Variants in KCNQ5 observed in about 807,000 individuals in gnomAD.
KCNQ5 encodes potassium voltage-gated channel subfamily KQT member 5.
In KCNQ5, 30 loss-of-function variants were observed where a neutral mutation model predicts 98.2. That is an observed-to-expected ratio of 0.31 (90% CI 0.23 to 0.41). The LOEUF (loss-of-function observed/expected upper bound fraction) is 0.41. KCNQ5 is among the 10% of genes least tolerant of loss of function. The pLI, the probability that KCNQ5 is intolerant of heterozygous loss-of-function variation, is 1.00. For synonymous variants in KCNQ5, 458 were observed against 449.4 expected, an observed-to-expected ratio of 1.02 and a Z score of -0.24; for missense variants, 835 against 1,182.5, an observed-to-expected ratio of 0.71 and a Z score of 4.31.
At chr6:72,913,722 A>G (rs1210806848) in intron 1 of KCNQ5, among the ~76,000 whole-genome samples, 1 of 152,210 alleles carries the variant, frequency 6.6e-6, no homozygotes, top group Non-Finnish European at 1.5e-5. Flanking sequence ...TCTTAGAGTC[A>G]CGGCTGAGGC....
rs900715074 is a variant in KCNQ5, at chr6:73,094,273, T to A, written c.919-10984T>A. 2.0e-5 allele frequency among the ~76,000 whole-genome samples: 3 copies of A among 152,202 alleles called. No individual in the cohort carries two copies. The South Asian group carries it at 6.2e-4, about 31-fold the overall frequency. ...AAATGTCTTTTTCCACACCTTTACCTTAAGTTTGTGAGACTCCTTATGTGT... is the reference window on the plus strand; with the variant it reads ...AAATGTCTTTTTCCACACCTTTACCATAAGTTTGTGAGACTCCTTATGTGT... On this transcript the variant is annotated intron_variant, in intron 5 of 13. Coordinates refer to ENST00000370398, the MANE Select transcript of KCNQ5 (RefSeq NM_019842.4).
chr6:72,707,412 A>G (rs755147207), intron 1 of KCNQ5, among the ~76,000 whole-genome samples: 3 of 152,166 alleles, frequency 2.0e-5, no homozygotes, highest in Admixed American at 1.3e-4. Context: ...ATATGTGTGT[A>G]CATATATGTT....
chr6:72,887,172 A>G (rs1053871551), intron 1 of KCNQ5, among the ~76,000 whole-genome samples: 1 of 152,206 alleles, frequency 6.6e-6, no homozygotes, highest in African/African-American at 2.4e-5. Flanking sequence ...GCAGATAAAG[A>G]CATACCTGAG....
intron 10 of KCNQ5, among the ~76,000 whole-genome samples, chr6:73,138,377 C>T (rs1047151155): frequency 1.3e-5 from 2 of 152,118 alleles, no homozygotes; most frequent in African/African-American, 2.4e-5. Flanking sequence ...ACGAAGGAGT[C>T]CTACACTTAC....
chr6:73,124,752 T>C (rs1281594537), intron 9 of KCNQ5: 10 of 542,724 alleles, frequency 1.8e-5, no homozygotes, highest in Middle Eastern at 4.8e-4. Context: ...CATTTGGAGG[T>C]GGGGGAGGAG....
At chr6:72,694,819 C>G (rs1462428449) in intron 1 of KCNQ5, among the ~76,000 whole-genome samples, 1 of 152,096 alleles carries the variant, frequency 6.6e-6, no homozygotes, top group Non-Finnish European at 1.5e-5. Flanking sequence ...ATTCCACCAC[C>G]CAGGTACTGA....
chr6:72,634,152 C>A (rs2098922654), intron 1 of KCNQ5, among the ~76,000 whole-genome samples: 1 of 152,050 alleles, frequency 6.6e-6, no homozygotes, highest in Admixed American at 6.5e-5. Context: ...ACTTTGGGGT[C>A]TAGTATAGCT....
intron 1 of KCNQ5, among the ~76,000 whole-genome samples, chr6:72,752,093 C>T (rs781700947): frequency 2.0e-5 from 3 of 152,078 alleles, no homozygotes; most frequent in Non-Finnish European, 4.4e-5. Flanking sequence ...CAGCAATCCC[C>T]CAGTGAAAAG....
intron 1 of KCNQ5, among the ~76,000 whole-genome samples, chr6:72,736,284 G>A (rs1770828121): frequency 6.6e-6 from 1 of 152,030 alleles, no homozygotes; most frequent in Non-Finnish European, 1.5e-5. Flanking sequence ...GCAGTGTTAT[G>A]TATGATATTA....
intron 1 of KCNQ5, among the ~76,000 whole-genome samples, chr6:72,888,657 C>T (rs1778942939): frequency 6.6e-6 from 1 of 152,144 alleles, no homozygotes; most frequent in African/African-American, 2.4e-5. Flanking sequence ...AACCAAATGT[C>T]AGTCCACATG....
At chr6:73,085,154 T>G (rs551678909) in intron 5 of KCNQ5, among the ~76,000 whole-genome samples, 1 of 152,276 alleles carries the variant, frequency 6.6e-6, no homozygotes, top group South Asian at 2.1e-4. Flanking sequence ...TGACTTAAAA[T>G]GTCAAAGCCA....
At chr6:72,800,535 G>T (rs1240276188) in intron 1 of KCNQ5, among the ~76,000 whole-genome samples, 1 of 151,844 alleles carries the variant, frequency 6.6e-6, no homozygotes, top group Non-Finnish European at 1.5e-5. Flanking sequence ...TATTAGTCTT[G>T]CTAGCGGTCT....
intron 1 of KCNQ5, among the ~76,000 whole-genome samples, chr6:72,657,518 A>G (rs1398142641): frequency 6.6e-6 from 1 of 152,272 alleles, no homozygotes; most frequent in South Asian, 2.1e-4. Context: ...GAGGTTATTT[A>G]TTTTACTTCT....
rs1411074952 is a variant in KCNQ5, at chr6:72,817,618, G to A, written c.399-186290G>A. 2.6e-5 allele frequency among the ~76,000 whole-genome samples: 4 copies of A among 152,182 alleles called. 1 individual carries two copies. The South Asian group carries it at 8.3e-4, about 31-fold the overall frequency. ...TATAATTGTAGAAACTGAGGGCCGA[G>A]CTCAGTTGCTCATGCCTGTAATCCC... is the stretch of plus-strand genomic sequence containing the variant. On this transcript the variant is annotated intron_variant, in intron 1 of 13. Transcript: ENST00000370398.
chr6:72,759,283 G>T (rs1187409141), intron 1 of KCNQ5, among the ~76,000 whole-genome samples: 1 of 152,122 alleles, frequency 6.6e-6, no homozygotes, highest in Non-Finnish European at 1.5e-5. Flanking sequence ...GTAAGTCTGA[G>T]GTCAAAAGAC....
At chr6:73,137,542 T>C (rs1454129682) in intron 10 of KCNQ5, among the ~76,000 whole-genome samples, 2 of 152,184 alleles carry the variant, frequency 1.3e-5, no homozygotes, top group Non-Finnish European at 2.9e-5. Context: ...TTAGGTAATA[T>C]AGAAATATTT....
intron 11 of KCNQ5, among the ~76,000 whole-genome samples, chr6:73,176,925 C>T (rs755240162): frequency 1.3e-5 from 2 of 152,080 alleles, no homozygotes; most frequent in African/African-American, 4.8e-5. Context: ...GGAAGTCTCA[C>T]CCCAGGGAGT....
At chr6:72,875,009 C>T (rs773102185) in intron 1 of KCNQ5, among the ~76,000 whole-genome samples, 1 of 152,106 alleles carries the variant, frequency 6.6e-6, no homozygotes, top group Non-Finnish European at 1.5e-5. Flanking sequence ...CCTGAAAATC[C>T]TACAGCATAT....
chr6:72,783,278 T>C lies in KCNQ5; in HGVS notation c.398+160691T>C, dbSNP rs572232499. Among the ~76,000 whole-genome samples the C allele has an allele frequency of 4.7e-4, 71 of 152,140 alleles. 1 individual carries two copies. The highest frequency in any genetic ancestry group is 1.2e-4 in the Non-Finnish European group (8 of 68,020). ...TAAATTGGACTCTCAGTAAAGGAAA[T>C]TGCCCAATTCCTAAGCACCATTTTC... On this transcript the variant is annotated intron_variant, in intron 1 of 13. Transcript: ENST00000370398.
Sources: allele counts gnomAD v4.1 joint callset (sites outside exome capture counted in the v4.1 genomes callset), GRCh38; gene constraint gnomAD v4.1.1; transcripts MANE v1.5; gene names NCBI Gene and HGNC (gene_info 2026-07-23, HGNC 2026-07-21).